Variants in PRRX2 observed in about 807,000 individuals in gnomAD.
PRRX2 encodes paired related homeobox 2.
PRRX2 carries 11 observed loss-of-function variants against 18.0 expected under a neutral mutation model. The observed-to-expected ratio is 0.61, with a 90% CI of 0.39 to 1.01. PRRX2 has a LOEUF of 1.01. Among genes scored for constraint, PRRX2 ranks in the 50% least tolerant of loss-of-function variants. The pLI is 0.01. For synonymous variants in PRRX2, 177 were observed against 154.8 expected (o/e 1.14, Z -1.06); for missense variants, 387 against 351.0 (o/e 1.10, Z -0.82).
chr9:129,665,995 T>C lies in PRRX2; in HGVS notation c.128T>C (p.Leu43Pro). Residue 43 changes from leucine to proline, a missense_variant, in exon 1 of 4, where the codon CTC (leucine) becomes CCC (proline). Leu to Pro is a moderately conservative substitution (Grantham distance 98, BLOSUM62 -3). Transcript: ENST00000372469. This position sits in a 1 kb window ranked among gnomAD's most constrained non-coding sequence, Gnocchi z 5.3. Reference sequence around the variant, plus strand: ...CGCAAGAACTTCTCGGTGAGCCACCTCCTGGACCTGGAAGAGGTGGCGGCG... The same window carrying C: ...CGCAAGAACTTCTCGGTGAGCCACCCCCTGGACCTGGAAGAGGTGGCGGCG... ...QARKNFSVSH[L>P]LDLEEVAAAG... 9.0e-7 allele frequency: 1 copy of C among 1,108,264 alleles called. No individual in the cohort carries two copies. Among genetic ancestry groups the C allele is most frequent in the South Asian group, 2.8e-5 (1 of 35,678 alleles). 68.7% of individuals were successfully genotyped at this position (1,108,264 alleles called of 1,614,324 possible).
chr9:129,700,179 A>G (rs1832475946), intron 1 of PRRX2, among the ~76,000 whole-genome samples: 1 of 152,232 alleles, frequency 6.6e-6, no homozygotes, highest in African/African-American at 2.4e-5. Context: ...AGATCTTGTT[A>G]TCCCCATTTT....
intron 2 of PRRX2, 58 bp downstream of exon 2, chr9:129,719,476 T>A (rs1832762047): frequency 7.0e-7 from 1 of 1,429,806 alleles, no homozygotes; most frequent in Non-Finnish European, 9.2e-7. Context: ...GCACAGCCAC[T>A]GTTCACCCGG....
chr9:129,720,201 C>T (rs1425592633), intron 2 of PRRX2, among the ~76,000 whole-genome samples: 1 of 149,842 alleles, frequency 6.7e-6, no homozygotes, highest in East Asian at 2.0e-4. Context: ...CCTCTCCCCG[C>T]GAGTGCTCAG....
At chr9:129,717,285 G>T (rs1052495273) in intron 1 of PRRX2, among the ~76,000 whole-genome samples, 1 of 152,086 alleles carries the variant, frequency 6.6e-6, no homozygotes, top group Non-Finnish European at 1.5e-5. Flanking sequence ...GCCCAGGCTG[G>T]TGTCAAAATC....
At chr9:129,667,051 CT>C (rs951413786) in intron 1 of PRRX2, among the ~76,000 whole-genome samples, 1 of 149,178 alleles carries the variant, frequency 6.7e-6, no homozygotes, top group African/African-American at 2.4e-5. Context: ...CGTTCCTTGG[CT>C]TTTCAGAGAC....
Position 129,666,070 on chromosome 9 carries a change from G to A in PRRX2, c.203G>A (p.Gly68Asp), listed in dbSNP as rs1359909349. Residue 68 changes from glycine (G) to aspartate (D), a missense_variant, in exon 1 of 4, where the codon GGC (glycine) becomes GAC (aspartate). Physicochemically the swap from Gly to Asp is moderately conservative, Grantham distance 94. Coordinates refer to ENST00000372469, the MANE Select transcript of PRRX2 (RefSeq NM_016307.4). ...RPGARAEARE[G>D]AAREPSGGSS... ...GGGGCCAGGGCCGAGGCGCGGGAGG[G>A]CGCAGCACGGGAGCCGTCCGGGGGC... The A allele has an allele frequency of 2.8e-5, 29 of 1,040,766 alleles. No individual in the cohort carries two copies. The highest frequency in any genetic ancestry group is 6.9e-6 in the Non-Finnish European group (6 of 868,816). The allele number at this position is 1,040,766 out of a possible 1,614,324, so 64.5% of individuals were successfully genotyped here.
chr9:129,671,294 C>A lies in PRRX2; in HGVS notation c.259+5168C>A, dbSNP rs1832096739. ...GGAACTGCTGGGCCTCCCAGCGTGG[C>A]TAGGGCGGGACAGTGGCCTGCATCT... On this transcript the variant is annotated intron_variant, in intron 1 of 3. Coordinates refer to ENST00000372469, the MANE Select transcript of PRRX2 (RefSeq NM_016307.4). This position sits in a 1 kb window ranked among gnomAD's most constrained non-coding sequence, Gnocchi z 4.0. 6.6e-6 allele frequency among the ~76,000 whole-genome samples: 1 copy of A among 152,180 alleles called. No homozygotes were observed. Among genetic ancestry groups the A allele is most frequent in the African/African-American group, 2.4e-5 (1 of 41,444 alleles).
chr9:129,675,497 G>GC lies in PRRX2; in HGVS notation c.259+9377dup, dbSNP rs982130925. 6.6e-6 allele frequency among the ~76,000 whole-genome samples: 1 copy of GC among 151,352 alleles called. No homozygotes were observed. The highest frequency in any genetic ancestry group is 1.5e-5 in the Non-Finnish European group (1 of 67,756). ...TCCTGGCATCCTGCCGGCACCTCCTGCCCCCCTGCTACCCTCCCTCCCCCA... is the reference window on the plus strand; with the variant it reads ...TCCTGGCATCCTGCCGGCACCTCCTGCCCCCCCTGCTACCCTCCCTCCCCCA... On this transcript the variant is annotated intron_variant, in intron 1 of 3. Coordinates refer to ENST00000372469, the MANE Select transcript of PRRX2 (RefSeq NM_016307.4). This position sits in a 1 kb window ranked among gnomAD's most constrained non-coding sequence, Gnocchi z 4.4.
intron 1 of PRRX2, among the ~76,000 whole-genome samples, chr9:129,679,059 G>A (rs1043863516): frequency 6.6e-6 from 1 of 152,210 alleles, no homozygotes; most frequent in Non-Finnish European, 1.5e-5. Context: ...CCACGTCGCA[G>A]TCCACCACGT....
intron 3 of PRRX2, 27 bp from the exon 4 acceptor site, chr9:129,722,190 G>A (rs1832801600): frequency 6.2e-7 from 1 of 1,609,002 alleles, no homozygotes; most frequent in Non-Finnish European, 8.5e-7. Context: ...CCGCACCCAT[G>A]TGACCTGTGT....
intron 1 of PRRX2, among the ~76,000 whole-genome samples, chr9:129,688,455 C>T (rs957508840): frequency 6.6e-6 from 1 of 152,128 alleles, no homozygotes; most frequent in Non-Finnish European, 1.5e-5. Context: ...AGTGTGGTCT[C>T]TGATCATGAA....
intron 1 of PRRX2, among the ~76,000 whole-genome samples, chr9:129,701,409 C>T (rs1298466525): frequency 6.6e-6 from 1 of 152,218 alleles, no homozygotes; most frequent in Non-Finnish European, 1.5e-5. Flanking sequence ...TTGCTGTTCC[C>T]ACTTACAGTG....
At chr9:129,668,872 G>A (rs948716005) in intron 1 of PRRX2, among the ~76,000 whole-genome samples, 3 of 151,822 alleles carry the variant, frequency 2.0e-5, no homozygotes, top group African/African-American at 7.3e-5. Context: ...GGGTTAGCCA[G>A]GTGCAGTGGC....
intron 1 of PRRX2, among the ~76,000 whole-genome samples, chr9:129,677,736 G>A (rs975435530): frequency 2.0e-5 from 3 of 152,238 alleles, no homozygotes; most frequent in African/African-American, 7.2e-5. Context: ...CTCCCGCAGA[G>A]CGGGCCGCCC....
Position 129,666,139 on chromosome 9 carries a change from G to A in PRRX2, c.259+13G>A. Reference sequence around the variant, plus strand: ...GCGCCGCAGGATGGTGAGTACGGCCGGCCAGGGACGGGGGTGGCGGGGCCG... The same window carrying A: ...GCGCCGCAGGATGGTGAGTACGGCCAGCCAGGGACGGGGGTGGCGGGGCCG... On this transcript the variant is annotated intron_variant, in intron 1 of 3. Transcript: ENST00000372469. 1 of 1,012,086 alleles carries A rather than the reference G, an allele frequency of 9.9e-7. No homozygotes were observed. The highest frequency in any genetic ancestry group is 1.2e-6 in the Non-Finnish European group (1 of 849,494). The allele number at this position is 1,012,086 out of a possible 1,614,324, so 62.7% of individuals were successfully genotyped here. A position where few individuals can be genotyped will look rare whatever the true frequency, so the allele number is the denominator to read the frequency against.
At chr9:129,672,516 G>A (rs1832111821) in intron 1 of PRRX2, among the ~76,000 whole-genome samples, 1 of 152,304 alleles carries the variant, frequency 6.6e-6, no homozygotes, top group South Asian at 2.1e-4. Context: ...CCTGGCTCCC[G>A]GGAATGCTGG....
chr9:129,720,595 G>T lies in PRRX2; in HGVS notation c.448-1G>T. Reference sequence around the variant, plus strand: ...CACCCTGCTCACCCTCCCACCCACAGGTCTGGTTTCAGAACCGCCGCGCCA... The same window carrying T: ...CACCCTGCTCACCCTCCCACCCACATGTCTGGTTTCAGAACCGCCGCGCCA... On this transcript the variant is annotated splice_acceptor_variant, in intron 2 of 3. Transcript: ENST00000372469. LOFTEE classifies it high-confidence loss of function. 6.2e-7 allele frequency: 1 copy of T among 1,604,428 alleles called. No individual in the cohort carries two copies. The highest frequency in any genetic ancestry group is 1.7e-5 in the Admixed American group (1 of 59,392).
intron 1 of PRRX2, among the ~76,000 whole-genome samples, chr9:129,701,826 G>T (rs112047551): frequency 2.0e-5 from 3 of 152,110 alleles, no homozygotes; most frequent in Non-Finnish European, 2.9e-5. Flanking sequence ...TAGGCCAGGC[G>T]CAGTGGCTCA....
rs561497332 is a variant in PRRX2 at position 129,717,025 on chromosome 9, AT to A, written c.260-2202del. 3.6e-3 allele frequency among the ~76,000 whole-genome samples: 552 copies of A among 152,074 alleles called. 1 individual carries two copies. Among genetic ancestry groups the A allele is most frequent in the Non-Finnish European group, 5.0e-3 (337 of 67,998 alleles). On this transcript the variant is annotated intron_variant, in intron 1 of 3. Transcript: ENST00000372469. ...CCCAGTGTGTGCTTGTCAATTTTTA[AT>A]TTTATTTTTAAATTTTATTTATTTA...
Sources: gnomAD v4.1 joint callset for allele counts (sites outside exome capture counted in the v4.1 genomes callset) on GRCh38, gnomAD v4.1.1 for gene constraint, Gnocchi (gnomAD v3.1) non-coding constraint, MANE v1.5 for transcripts, NCBI Gene and HGNC (gene_info 2026-07-23, HGNC 2026-07-21) for gene names.